RETSAT: variants seen among roughly 807,000 people sequenced by gnomAD.
RETSAT encodes the protein retinol saturase, also known as all-trans-retinol 13,14-reductase.
A neutral mutation model predicts 61.6 loss-of-function variants in RETSAT; 35 were observed. That is an observed-to-expected ratio of 0.57 (90% confidence interval 0.43 to 0.75). The LOEUF is 0.75. Among genes scored for constraint, RETSAT ranks in the 30% least tolerant of loss-of-function variants. The pLI is 0.00. For synonymous variants in RETSAT, 277 were observed against 310.4 expected (o/e 0.89, Z 1.13); for missense variants, 670 against 759.5 (o/e 0.88, Z 1.38).
chr2:85,353,603 C>T (rs2104443202), intron 1 of RETSAT, among the ~76,000 whole-genome samples: 1 of 152,330 alleles, frequency 6.6e-6, no homozygotes, highest in South Asian at 2.1e-4. Flanking sequence ...CAAGCTAAAA[C>T]TCAGTTCTCA....
chr2:85,353,899 A>T (rs1683368391), intron 1 of RETSAT, among the ~76,000 whole-genome samples: 1 of 152,224 alleles, frequency 6.6e-6, no homozygotes, highest in African/African-American at 2.4e-5. Context: ...GACCATGCAA[A>T]GCCTGTTAAA....
rs764490769 is a variant in RETSAT at position 85,354,405 on chromosome 2, C to G, written c.103G>C (p.Glu35Gln). ...GGCGCTGGGGGCCGTTTGACATCTT[C>G]GGAGAAAGGATTCGGGGAGCTGCCA... ...FSGSSPNPFS[E>Q]DVKRPPAPLV... The change falls in exon 1 of 11, where the codon GAA becomes CAA. Residue 35 changes from glutamate (E) to glutamine (Q), a missense_variant. Physicochemically the swap from Glu to Gln is conservative, Grantham distance 29 (BLOSUM62 2). Transcript: ENST00000295802. 6.2e-7 allele frequency: 1 copy of G among 1,614,086 alleles called. No individual in the cohort carries two copies. Among genetic ancestry groups the G allele is most frequent in the East Asian group, 2.2e-5 (1 of 44,900 alleles).
chr2:85,349,911 C>A, intron 4 of RETSAT, 129 bp downstream of exon 4: 1 of 857,472 alleles, frequency 1.2e-6, no homozygotes, highest in Non-Finnish European at 1.8e-6. Context: ...CATCCACAAG[C>A]TCCAGAGGGC....
rs143604495 is a variant in RETSAT at position 85,349,455 on chromosome 2, C to T, written c.926G>A (p.Arg309Gln). 10 of 1,614,148 alleles carry T rather than the reference C, an allele frequency of 6.2e-6. No individual in the cohort carries two copies. The African/African-American group carries it at 6.7e-5, about 11-fold the overall frequency. ...CTTTGTGAGGACAGCGCCCCCAGCC[C>T]GCTGAATCACAGGGATGGTGTGGAA... ...IAFHTIPVIQ[R>Q]AGGAVLTKAT... is the part of the protein sequence containing the mutation. The change falls in exon 5 of 11, where the codon CGG becomes CAG. Residue 309 changes from arginine (R) to glutamine (Q), a missense_variant. Physicochemically the swap from Arg to Gln is conservative, Grantham distance 43 (BLOSUM62 1). Coordinates refer to ENST00000295802, the MANE Select transcript of RETSAT (RefSeq NM_017750.4).
At position 85,344,841 on chromosome 2, in the gene RETSAT, C is replaced by A. The variant is rs531138914; in HGVS notation, c.1118-109G>T. 3 of 1,285,358 alleles carry A rather than the reference C, an allele frequency of 2.3e-6. No individual in the cohort carries two copies. The African/African-American group carries it at 4.5e-5, about 19-fold the overall frequency. The allele number at this position is 1,285,358 out of a possible 1,614,324, so 79.6% of individuals were successfully genotyped here. ...GCTCTGGCACCTGCCTGAGGCATGC[C>A]GGGCCCCTGGCCACTCTGCTTCCTT... On this transcript the variant is annotated intron_variant, in intron 6 of 10. Transcript: ENST00000295802.
intron 1 of RETSAT, among the ~76,000 whole-genome samples, chr2:85,352,644 A>G (rs192488728): frequency 6.6e-6 from 1 of 152,204 alleles, no homozygotes; most frequent in African/African-American, 2.4e-5. Context: ...GGCCTCCCAA[A>G]TTGCTGGGAT....
intron 5 of RETSAT, among the ~76,000 whole-genome samples, chr2:85,346,436 G>A (rs115488001): frequency 2.5e-3 from 376 of 152,310 alleles, no homozygotes; most frequent in African/African-American, 8.4e-3. Context: ...TGCTGCCAGA[G>A]TTGTTTCCAA....
At chr2:85,353,256 G>C (rs1039508332) in intron 1 of RETSAT, among the ~76,000 whole-genome samples, 10 of 152,202 alleles carry the variant, frequency 6.6e-5, no homozygotes, top group Non-Finnish European at 1.5e-4. Flanking sequence ...AGGAGTTCGA[G>C]AGCCTTGACA....
intron 1 of RETSAT, among the ~76,000 whole-genome samples, chr2:85,352,220 A>G (rs1683310177): frequency 6.6e-6 from 1 of 151,718 alleles, no homozygotes. Context: ...ATGCCGGGCC[A>G]TTTTATTTTT....
intron 5 of RETSAT, among the ~76,000 whole-genome samples, chr2:85,348,691 TTAAA>T (rs1217105590): frequency 6.6e-6 from 1 of 151,740 alleles, no homozygotes; most frequent in Non-Finnish European, 1.5e-5. Flanking sequence ...ATTTTATCTA[TTAAA>T]TAAATAAATA....
rs769010884 is a variant in RETSAT at position 85,350,966 on chromosome 2, G to C, written c.411C>G (p.Asp137Glu). ...EEGSIGRFIL[D>E]QITEGQLDWA... ...AGTCCAGCTGCCCTTCAGTGATCTG[G>C]TCCAAGATAAAACGGCCAATGCTGC... Residue 137 changes from aspartate (D) to glutamate (E), a missense_variant, in exon 3 of 11, where the codon GAC (aspartate) becomes GAG (glutamate). Coordinates refer to ENST00000295802, the MANE Select transcript of RETSAT (RefSeq NM_017750.4). The C allele has an allele frequency of 1.2e-6, 2 of 1,614,026 alleles. No homozygotes were observed. The highest frequency in any genetic ancestry group is 1.7e-6 in the Non-Finnish European group (2 of 1,180,042).
rs1207059532 is a variant in RETSAT at position 85,344,678 on chromosome 2, A to G, written c.1172T>C (p.Phe391Ser). Reference sequence around the variant, plus strand: ...TTCCTTGGTGCCTCGCAGGCAGATGAAAACAGAGGTCATGCCTAAGCCGGG... The same window carrying G: ...TTCCTTGGTGCCTCGCAGGCAGATGGAAACAGAGGTCATGCCTAAGCCGGG... ...VRPGLGMTSV[F>S]ICLRGTKEDL... The change falls in exon 7 of 11, where the codon TTC becomes TCC. Residue 391 changes from phenylalanine to serine, a missense_variant. Phe to Ser is a radical substitution (Grantham distance 155, BLOSUM62 -2). Coordinates refer to ENST00000295802, the MANE Select transcript of RETSAT (RefSeq NM_017750.4). The G allele has an allele frequency of 1.1e-5, 17 of 1,614,136 alleles. No homozygotes were observed. The highest frequency in any genetic ancestry group is 1.4e-5 in the Non-Finnish European group (17 of 1,180,006).
chr2:85,351,746 C>G lies in RETSAT; in HGVS notation c.289G>C (p.Glu97Gln). 3 of 1,614,180 alleles carry G rather than the reference C, an allele frequency of 1.9e-6. No individual in the cohort carries two copies. The East Asian group carries it at 6.7e-5, about 36-fold the overall frequency. ...AKAGKRVLVL[E>Q]QHTKAGGCCH... ...CAGCCCCCTGCCTTGGTATGTTGTT[C>G]CAGCACCAGGACTCGCTTGCCAGCT... is the stretch of plus-strand genomic sequence containing the variant. Residue 97 changes from glutamate to glutamine, a missense_variant, in exon 2 of 11, where the codon GAA (glutamate) becomes CAA (glutamine). Physicochemically the swap from Glu to Gln is conservative, Grantham distance 29. Coordinates refer to ENST00000295802, the MANE Select transcript of RETSAT (RefSeq NM_017750.4).
chr2:85,353,551 A>C (rs1046977843), intron 1 of RETSAT, among the ~76,000 whole-genome samples: 31 of 152,258 alleles, frequency 2.0e-4, no homozygotes, highest in Non-Finnish European at 8.8e-5. Flanking sequence ...AGACCAGCCC[A>C]GGTAGGTGCT....
Position 85,343,221 on chromosome 2 carries a change from TCTGACTCCTCC to T in RETSAT, c.*10_*20del. The T allele has an allele frequency of 6.2e-7, 1 of 1,612,232 alleles. No individual in the cohort carries two copies. The highest frequency in any genetic ancestry group is 1.1e-5 in the South Asian group (1 of 90,904). On this transcript the variant is annotated 3_prime_UTR_variant, in exon 11 of 11. Coordinates refer to ENST00000295802, the MANE Select transcript of RETSAT (RefSeq NM_017750.4). ...ATGCCCCAGCCATTGGGCAAATTCC[TCTGACTCCTCC>T]CTGATGGAACTAATTCTTTTTCTTC...
At chr2:85,346,519 T>TA (rs1379873429) in intron 5 of RETSAT, among the ~76,000 whole-genome samples, 1 of 152,148 alleles carries the variant, frequency 6.6e-6, no homozygotes, top group Non-Finnish European at 1.5e-5. Context: ...TTTGGGAGTC[T>TA]GAGGTAAGAG....
chr2:85,344,842 G>A (rs1683167072), intron 6 of RETSAT, 110 bp from the exon 7 acceptor site: 11 of 1,256,112 alleles, frequency 8.8e-6, no homozygotes, highest in Admixed American at 5.2e-5. Context: ...GAGGCATGCC[G>A]GGCCCCTGGC....
Position 85,344,084 on chromosome 2 carries a change from C to T in RETSAT, c.1448G>A (p.Gly483Asp), listed in dbSNP as rs763372976. 18 of 1,614,004 alleles carry T rather than the reference C, an allele frequency of 1.1e-5. No homozygotes were observed. Among genetic ancestry groups the T allele is most frequent in the Non-Finnish European group, 8.5e-7 (1 of 1,180,002 alleles). The change falls in exon 9 of 11, where the codon GGC (glycine) becomes GAC (aspartate). Residue 483 changes from glycine to aspartate, a missense_variant. Physicochemically the swap from Gly to Asp is moderately conservative, Grantham distance 94. Coordinates refer to ENST00000295802, the MANE Select transcript of RETSAT (RefSeq NM_017750.4). The stretch of plus-strand genomic sequence containing the variant: ...GTTTTTGAAGGTCTCATAGTCACTG[C>T]CCCGCTTTCCCTTCAGCTCCGCCTG... The part of the protein sequence containing the change: ...EWQAELKGKR[G>D]SDYETFKNSF...
chr2:85,350,685 C>G, intron 3 of RETSAT, 95 bp downstream of exon 3: 1 of 1,428,688 alleles, frequency 7.0e-7, no homozygotes, highest in South Asian at 1.3e-5. Context: ...TCCTGCCTCC[C>G]GCACTGCACT....
Sources: gnomAD v4.1 joint callset for allele counts (sites outside exome capture counted in the v4.1 genomes callset) on GRCh38, gnomAD v4.1.1 for gene constraint, MANE v1.5 for transcripts, NCBI Gene and HGNC (gene_info 2026-07-23, HGNC 2026-07-21) for gene names.